The following BMPR2 variants were observed in gnomAD, a reference collection of about 807,000 sequenced individuals.
The protein encoded by BMPR2 is bone morphogenetic protein receptor type 2, also known as bone morphogenetic protein receptor type-2.
A neutral mutation model predicts 100.8 loss-of-function variants in BMPR2; 29 were observed. That is an observed-to-expected ratio of 0.29 (90% confidence interval 0.21 to 0.39). BMPR2 has a LOEUF of 0.39. Among genes scored for constraint, BMPR2 ranks in the 10% least tolerant of loss-of-function variants. The pLI, the probability that BMPR2 is intolerant of heterozygous loss-of-function variation, is 1.00. For synonymous variants in BMPR2, 382 were observed against 442.3 expected (o/e 0.86, Z 1.71); for missense variants, 1,011 against 1,274.5 (o/e 0.79, Z 3.15).
intron 10 of BMPR2, among the ~76,000 whole-genome samples, chr2:202,546,946 TTTTG>T (rs1197822351): frequency 7.5e-6 from 1 of 133,896 alleles, no homozygotes; most frequent in African/African-American, 2.6e-5. Context: ...TTTTGTTTTG[TTTTG>T]TTTTTGTAGA....
intron 10 of BMPR2, among the ~76,000 whole-genome samples, chr2:202,542,797 C>T (rs1426624820): frequency 6.6e-6 from 1 of 152,096 alleles, no homozygotes; most frequent in African/African-American, 2.4e-5. Flanking sequence ...TTAAGTAGTG[C>T]AGGCTTACAT....
chr2:202,437,269 G>A (rs1691633413), intron 1 of BMPR2, among the ~76,000 whole-genome samples: 2 of 150,686 alleles, frequency 1.3e-5, no homozygotes, highest in South Asian at 4.1e-4. Context: ...CTTCCAAAGT[G>A]CTGGGATTAC....
At chr2:202,463,527 A>G (rs1038257124) in intron 1 of BMPR2, among the ~76,000 whole-genome samples, 1 of 152,234 alleles carries the variant, frequency 6.6e-6, no homozygotes, top group African/African-American at 2.4e-5. Flanking sequence ...TACACATCCA[A>G]AATAAAGAAA....
At chr2:202,464,413 G>GTACT (rs1692279451) in intron 1 of BMPR2, among the ~76,000 whole-genome samples, 1 of 152,012 alleles carries the variant, frequency 6.6e-6, no homozygotes. Flanking sequence ...TATAAAATAT[G>GTACT]ATAAAAGTAA....
rs1371673427 is a variant in BMPR2, at chr2:202,532,290, T to G, written c.1129-295T>G. Among the ~76,000 whole-genome samples the G allele has an allele frequency of 1.3e-5, 2 of 152,246 alleles. No individual in the cohort carries two copies. The highest frequency in any genetic ancestry group is 4.1e-4 in the South Asian group (2 of 4,826). On this transcript the variant is annotated intron_variant, in intron 8 of 12. Transcript: ENST00000374580. The surrounding 1 kb of genome is among the most constrained non-coding windows in gnomAD (Gnocchi z 4.1). ...TAAAAAATATTAAGTTGTATACATA[T>G]TGTTTTGCAATTTTCTCACTGTATC...
chr2:202,482,540 A>ATTTTTT (rs1294071717), intron 3 of BMPR2, among the ~76,000 whole-genome samples: 1 of 138,720 alleles, frequency 7.2e-6, no homozygotes, highest in Non-Finnish European at 1.6e-5. Flanking sequence ...TGCCTGTCTA[A>ATTTTTT]TTTTTTTTTT....
At chr2:202,534,163 C>A (rs551844104) in intron 9 of BMPR2, among the ~76,000 whole-genome samples, 3 of 148,726 alleles carry the variant, frequency 2.0e-5, no homozygotes, top group Admixed American at 1.3e-4. Context: ...TTATATATAT[C>A]AAGTGTGTGT....
At chr2:202,440,938 C>T (rs535905936) in intron 1 of BMPR2, among the ~76,000 whole-genome samples, 1 of 150,346 alleles carries the variant, frequency 6.7e-6, no homozygotes, top group Admixed American at 6.6e-5. Context: ...TACACATTGA[C>T]TAGTATTTAT....
At chr2:202,406,470 A>G (rs1005155457) in intron 1 of BMPR2, among the ~76,000 whole-genome samples, 2 of 152,238 alleles carry the variant, frequency 1.3e-5, no homozygotes, top group Non-Finnish European at 2.9e-5. Flanking sequence ...TTTATACAGT[A>G]ATAAATTGTT....
At chr2:202,535,960 GGCACTC>G (rs1688148904) in intron 9 of BMPR2, among the ~76,000 whole-genome samples, 1 of 151,220 alleles carries the variant, frequency 6.6e-6, no homozygotes, top group Non-Finnish European at 1.5e-5. Context: ...TGCAATCGCA[GGCACTC>G]GGCAGGCTGA....
rs1208474573 is a variant in BMPR2 at position 202,433,763 on chromosome 2, C to T, written c.77-31046C>T. ...TCTCTACTAAAAATACAAAAATTAG[C>T]TGGGTGTGGTGGCGTGCGCCTGTAG... On this transcript the variant is annotated intron_variant, in intron 1 of 12. Transcript: ENST00000374580. Among the ~76,000 whole-genome samples the T allele has an allele frequency of 3.3e-5, 5 of 150,524 alleles. No individual in the cohort carries two copies. In the South Asian group the frequency reaches 1.0e-3, roughly 31 times the overall value.
At chr2:202,468,052 A>G (rs1559047755) in intron 3 of BMPR2, among the ~76,000 whole-genome samples, 1 of 152,142 alleles carries the variant, frequency 6.6e-6, no homozygotes, top group Non-Finnish European at 1.5e-5. Context: ...AAAGAAAAAA[A>G]AAATTCAAAG....
chr2:202,555,375 T>A lies in BMPR2; in HGVS notation c.1710T>A (p.His570Gln). The change falls in exon 12 of 13, where the codon CAT (histidine) becomes CAA (glutamine). Residue 570 changes from histidine (H) to glutamine (Q), a missense_variant. Around this residue, in one of 6 missense-constraint regions of BMPR2, gnomAD observed 508 missense variants for 552.0 expected, o/e 0.92. Coordinates refer to ENST00000374580, the MANE Select transcript of BMPR2 (RefSeq NM_001204.7). ...DSIVKNISSE[H>Q]SMSSTPLTIG... is the part of the protein sequence containing the mutation. ...TCGTGAAGAATATTTCCTCTGAGCA[T>A]TCTATGTCCAGCACACCTTTGACTA... 6.2e-7 allele frequency: 1 copy of A among 1,614,170 alleles called. No individual in the cohort carries two copies. The highest frequency in any genetic ancestry group is 8.5e-7 in the Non-Finnish European group (1 of 1,180,022).
At chr2:202,529,817 T>G (rs1450089559) in intron 7 of BMPR2, among the ~76,000 whole-genome samples, 1 of 152,200 alleles carries the variant, frequency 6.6e-6, no homozygotes, top group East Asian at 1.9e-4. Flanking sequence ...TGAGTCTATT[T>G]GTGCCAAAAT....
intron 1 of BMPR2, among the ~76,000 whole-genome samples, chr2:202,461,860 CT>C (rs1692231082): frequency 6.6e-6 from 1 of 151,916 alleles, no homozygotes. Context: ...TTTTTCTTAT[CT>C]TTTTAAAGGT....
At chr2:202,478,648 C>G (rs925462451) in intron 3 of BMPR2, among the ~76,000 whole-genome samples, 2 of 152,144 alleles carry the variant, frequency 1.3e-5, no homozygotes, top group African/African-American at 4.8e-5. Flanking sequence ...GCAGCTCACA[C>G]CTGTAATCCC....
At chr2:202,430,992 A>G (rs1305677035) in intron 1 of BMPR2, among the ~76,000 whole-genome samples, 24 of 150,440 alleles carry the variant, frequency 1.6e-4, no homozygotes, top group Admixed American at 1.6e-3. Flanking sequence ...AACTTAATCT[A>G]TATTTTAAGA....
intron 3 of BMPR2, among the ~76,000 whole-genome samples, chr2:202,474,285 C>T (rs112909073): frequency 0.075 from 11,440 of 151,778 alleles, 608 homozygotes; most frequent in Admixed American, 0.11. Flanking sequence ...GAAACCCCAT[C>T]TCTACTAAAA....
chr2:202,430,018 C>T (rs182592441), intron 1 of BMPR2, among the ~76,000 whole-genome samples: 6 of 152,290 alleles, frequency 3.9e-5, no homozygotes, highest in Non-Finnish European at 8.8e-5. Context: ...AACATATTTT[C>T]AGAAACTTAC....
Sources: allele counts gnomAD v4.1 joint callset (sites outside exome capture counted in the v4.1 genomes callset), GRCh38; gene constraint gnomAD v4.1.1; regional missense constraint gnomAD v4.1.1; non-coding constraint Gnocchi (gnomAD v3.1); transcripts MANE v1.5; gene names NCBI Gene and HGNC (gene_info 2026-07-23, HGNC 2026-07-21).